Variants in GLRA3 observed in about 807,000 individuals in gnomAD.
GLRA3 encodes glycine receptor subunit alpha-3.
Under a neutral mutation model 60.4 loss-of-function variants are expected in GLRA3, and 44 were observed. The observed-to-expected ratio is 0.73, with a 90% CI of 0.57 to 0.94. GLRA3 has a LOEUF of 0.94. GLRA3 is among the 40% of genes least tolerant of loss of function. The pLI is 0.00. For synonymous variants in GLRA3, 223 were observed against 192.9 expected, an observed-to-expected ratio of 1.16 and a Z score of -1.29; for missense variants, 508 against 564.6, an observed-to-expected ratio of 0.90 and a Z score of 1.02.
chr4:174,808,652 C>T (rs1310273872), intron 1 of GLRA3, among the ~76,000 whole-genome samples: 2 of 151,986 alleles, frequency 1.3e-5, no homozygotes, highest in East Asian at 1.9e-4. Flanking sequence ...CAGGAGATAA[C>T]AGTTCCACAC....
intron 3 of GLRA3, among the ~76,000 whole-genome samples, chr4:174,743,525 C>A (rs1737109070): frequency 6.6e-6 from 1 of 152,176 alleles, no homozygotes; most frequent in East Asian, 1.9e-4. Flanking sequence ...TGGTATTAGT[C>A]CTTTTTAACA....
intron 3 of GLRA3, among the ~76,000 whole-genome samples, chr4:174,750,202 T>C (rs1737412115): frequency 6.6e-6 from 1 of 152,138 alleles, no homozygotes; most frequent in Admixed American, 6.6e-5. Flanking sequence ...CTGAGAGTGC[T>C]AGACCATGGA....
chr4:174,770,128 C>T (rs1364241855), intron 2 of GLRA3, among the ~76,000 whole-genome samples: 1 of 152,034 alleles, frequency 6.6e-6, no homozygotes, highest in African/African-American at 2.4e-5. Flanking sequence ...AACCTATTCT[C>T]TAGATGGCTA....
Position 174,642,911 on chromosome 4 carries a change from T to C in GLRA3, c.*875A>G. ...CACATTCTAAACTAAAATATAAAAG[T>C]CTTACTGAATTTTGTCCTGTTATAT... is the stretch of plus-strand genomic sequence containing the variant. On this transcript the variant is annotated 3_prime_UTR_variant, in exon 10 of 10. Transcript: ENST00000274093. 2.7e-6 allele frequency: 2 copies of C among 739,064 alleles called. No homozygotes were observed. Among genetic ancestry groups the C allele is most frequent in the Non-Finnish European group, 3.3e-6 (2 of 605,596 alleles). The allele number at this position is 739,064 out of a possible 1,614,324, so 45.8% of individuals were successfully genotyped here. A position where few individuals can be genotyped will look rare whatever the true frequency, so the allele number is the denominator to read the frequency against.
intron 2 of GLRA3, among the ~76,000 whole-genome samples, chr4:174,777,634 C>A (rs781194154): frequency 2.6e-5 from 4 of 152,116 alleles, no homozygotes; most frequent in Admixed American, 6.5e-5. Flanking sequence ...ATGACAAACA[C>A]ACGTTGTTAT....
chr4:174,688,348 T>C (rs1362224294), intron 5 of GLRA3, among the ~76,000 whole-genome samples: 1 of 133,380 alleles, frequency 7.5e-6, no homozygotes, highest in Non-Finnish European at 1.6e-5. Flanking sequence ...TATATATATA[T>C]ATATATATAT....
chr4:174,756,183 A>G lies in GLRA3; in HGVS notation c.267+10780T>C, dbSNP rs866764718. On this transcript the variant is annotated intron_variant, in intron 3 of 9. Coordinates refer to ENST00000274093, the MANE Select transcript of GLRA3 (RefSeq NM_006529.4). Reference sequence around the variant, plus strand: ...ATTTTAATAAACACTCATGGAAGAAATAACAGTTCATCAATTTTACATGAA... The same window carrying G: ...ATTTTAATAAACACTCATGGAAGAAGTAACAGTTCATCAATTTTACATGAA... 2.4e-4 allele frequency among the ~76,000 whole-genome samples: 37 copies of G among 152,294 alleles called. 1 individual carries two copies. The Middle Eastern group carries it at 0.014, about 56-fold the overall frequency.
chr4:174,693,084 AT>A (rs1292499369), intron 5 of GLRA3, among the ~76,000 whole-genome samples: 1 of 152,102 alleles, frequency 6.6e-6, no homozygotes. Context: ...TAGTTTTCAA[AT>A]ATTTTCTCCC....
chr4:174,678,393 T>C (rs777729729), intron 6 of GLRA3, among the ~76,000 whole-genome samples: 1 of 152,216 alleles, frequency 6.6e-6, no homozygotes. Flanking sequence ...TGTTTTTATT[T>C]GAGTTATTTC....
At chr4:174,744,628 G>A (rs1464991207) in intron 3 of GLRA3, among the ~76,000 whole-genome samples, 3 of 152,210 alleles carry the variant, frequency 2.0e-5, no homozygotes, top group African/African-American at 7.2e-5. Context: ...CTAACCAATT[G>A]AAACCATTGA....
chr4:174,648,736 G>C (rs4695780), intron 9 of GLRA3, among the ~76,000 whole-genome samples: 81,305 of 151,958 alleles, frequency 0.54, 23,171 homozygotes, highest in African/African-American at 0.74. Context: ...TTAACTCTTG[G>C]AGCTACTACA....
At chr4:174,644,310 A>G (rs1449503209) in intron 9 of GLRA3, among the ~76,000 whole-genome samples, 1 of 152,110 alleles carries the variant, frequency 6.6e-6, no homozygotes, top group African/African-American at 2.4e-5. Context: ...TTAATGGGAA[A>G]ACTAAATTCT....
intron 1 of GLRA3, among the ~76,000 whole-genome samples, chr4:174,800,160 A>T (rs1416633090): frequency 6.6e-6 from 1 of 152,070 alleles, no homozygotes; most frequent in East Asian, 1.9e-4. Context: ...AATGTATAGA[A>T]GGCAGTATGG....
intron 3 of GLRA3, among the ~76,000 whole-genome samples, chr4:174,756,745 C>A (rs1208164867): frequency 6.6e-6 from 1 of 151,418 alleles, no homozygotes; most frequent in African/African-American, 2.4e-5. Context: ...CCCGGGTTCA[C>A]GCCATTCTCC....
Position 174,642,573 on chromosome 4 carries a change from A to G in GLRA3, c.*1213T>C. ...GTTACTAATGCTCTGTTTTTGTTGA[A>G]GTAATCCCATGGGGTCATTGAAAAA... On this transcript the variant is annotated 3_prime_UTR_variant, in exon 10 of 10. Coordinates refer to ENST00000274093, the MANE Select transcript of GLRA3 (RefSeq NM_006529.4). 1 of 975,254 alleles carries G rather than the reference A, an allele frequency of 1.0e-6. No homozygotes were observed. The highest frequency in any genetic ancestry group is 1.2e-6 in the Non-Finnish European group (1 of 820,730). 60.4% of individuals were successfully genotyped at this position (975,254 alleles called of 1,614,324 possible).
intron 9 of GLRA3, among the ~76,000 whole-genome samples, chr4:174,645,564 G>C (rs1376210183): frequency 1.3e-5 from 2 of 152,014 alleles, no homozygotes; most frequent in Non-Finnish European, 2.9e-5. Flanking sequence ...GATGCAGTAA[G>C]GTATAAAATA....
chr4:174,654,745 G>A (rs1336767996), intron 9 of GLRA3, among the ~76,000 whole-genome samples: 1 of 151,988 alleles, frequency 6.6e-6, no homozygotes, highest in East Asian at 1.9e-4. Context: ...ATCATACATG[G>A]GAATAGCGAC....
intron 7 of GLRA3, among the ~76,000 whole-genome samples, chr4:174,662,301 GT>G (rs1190978491): frequency 6.6e-6 from 1 of 152,158 alleles, no homozygotes; most frequent in African/African-American, 2.4e-5. Context: ...AAGGTAAGAT[GT>G]TTTTCCATCT....
chr4:174,787,048 A>G (rs894723420), intron 2 of GLRA3, among the ~76,000 whole-genome samples: 1 of 152,126 alleles, frequency 6.6e-6, no homozygotes, highest in African/African-American at 2.4e-5. Flanking sequence ...ACATATAAAT[A>G]GTAATAATCA....
Sources: allele counts gnomAD v4.1 joint callset (sites outside exome capture counted in the v4.1 genomes callset), GRCh38; gene constraint gnomAD v4.1.1; transcripts MANE v1.5; gene names NCBI Gene and HGNC (gene_info 2026-07-23, HGNC 2026-07-21).